ARMH4: variants seen among roughly 807,000 people sequenced by gnomAD.
ARMH4 encodes armadillo-like helical domain-containing protein 4.
In ARMH4, 49 loss-of-function variants were observed where a neutral mutation model predicts 61.9. That is an observed-to-expected ratio of 0.79 (90% CI 0.63 to 1.00). The LOEUF is 1.00. Ranked by LOEUF, ARMH4 falls within the 50% of genes least tolerant of loss-of-function variation. The pLI, the probability that ARMH4 is intolerant of heterozygous loss-of-function variation, is 0.00. For synonymous variants in ARMH4, 368 were observed against 341.5 expected (o/e 1.08, Z -0.85); for missense variants, 934 against 930.0 (o/e 1.00, Z -0.06).
intron 5 of ARMH4, among the ~76,000 whole-genome samples, chr14:58,046,080 C>G (rs1011886472): frequency 6.6e-6 from 1 of 152,164 alleles, no homozygotes; most frequent in African/African-American, 2.4e-5. Context: ...TGTAAGCCAC[C>G]CAGTTTATGG....
At position 58,094,655 on chromosome 14, in the gene ARMH4, T is replaced by C. The variant is rs1010162818; in HGVS notation, c.2089+2069A>G. Among the ~76,000 whole-genome samples the C allele has an allele frequency of 5.3e-5, 8 of 152,310 alleles. No individual in the cohort carries two copies. The East Asian group carries it at 5.8e-4, about 11-fold the overall frequency. On this transcript the variant is annotated intron_variant, in intron 5 of 7. Coordinates refer to ENST00000267485, the MANE Select transcript of ARMH4 (RefSeq NM_001001872.4). ...CATACAACATAGTTGAATCTCAAAA[T>C]CTTTATGCTAAGTGATCTAAGCCAG... is the stretch of plus-strand genomic sequence containing the variant.
intron 5 of ARMH4, among the ~76,000 whole-genome samples, chr14:58,049,170 C>T (rs996115431): frequency 3.6e-4 from 53 of 148,186 alleles, no homozygotes; most frequent in Admixed American, 3.5e-3. Flanking sequence ...ACCCAGGAGG[C>T]GGAGCTTGCA....
intron 4 of ARMH4, among the ~76,000 whole-genome samples, chr14:58,102,816 T>C (rs1295331531): frequency 3.3e-5 from 1 of 30,434 alleles, no homozygotes; most frequent in African/African-American, 1.4e-4. Flanking sequence ...AGACTCCGTC[T>C]CAAAAAAAAA....
intron 5 of ARMH4, among the ~76,000 whole-genome samples, chr14:58,022,246 C>G (rs765975618): frequency 1.8e-4 from 27 of 152,132 alleles, no homozygotes; most frequent in Non-Finnish European, 3.8e-4. Context: ...CTCTTCCCCA[C>G]CGCCACTCTC....
chr14:58,132,832 G>A (rs186876653), intron 3 of ARMH4, among the ~76,000 whole-genome samples: 54 of 151,950 alleles, frequency 3.6e-4, no homozygotes, highest in African/African-American at 1.3e-3. Context: ...TGATCCACCC[G>A]CCTCAGCCTC....
At chr14:58,032,335 T>C (rs1883275085) in intron 5 of ARMH4, among the ~76,000 whole-genome samples, 1 of 152,142 alleles carries the variant, frequency 6.6e-6, no homozygotes, top group Non-Finnish European at 1.5e-5. Context: ...AGGAGCCCAA[T>C]GAAGGGTAAG....
intron 5 of ARMH4, among the ~76,000 whole-genome samples, chr14:58,050,486 G>A (rs907044480): frequency 8.5e-5 from 13 of 152,170 alleles, no homozygotes; most frequent in Non-Finnish European, 1.9e-4. Flanking sequence ...TCTCCTATAG[G>A]AGGAATTGAT....
chr14:58,103,367 C>T (rs1886065597), intron 4 of ARMH4, among the ~76,000 whole-genome samples: 1 of 152,114 alleles, frequency 6.6e-6, no homozygotes, highest in Admixed American at 6.5e-5. Flanking sequence ...ATAAAAATGG[C>T]TATGGGAGTG....
chr14:58,070,641 T>C (rs1884854268), intron 5 of ARMH4, among the ~76,000 whole-genome samples: 2 of 152,190 alleles, frequency 1.3e-5, no homozygotes, highest in South Asian at 4.1e-4. Flanking sequence ...GTCCAGCTCT[T>C]GGCAAAAGCA....
At chr14:58,074,433 G>T (rs1241503331) in intron 5 of ARMH4, among the ~76,000 whole-genome samples, 1 of 151,162 alleles carries the variant, frequency 6.6e-6, no homozygotes, top group East Asian at 1.9e-4. Context: ...TCTCCGCTTT[G>T]GCAGTGGATG....
chr14:58,098,611 C>T (rs1000500020), intron 4 of ARMH4, among the ~76,000 whole-genome samples: 2 of 152,210 alleles, frequency 1.3e-5, no homozygotes, highest in Non-Finnish European at 2.9e-5. Context: ...TTTAAGTCAA[C>T]ATCTACAGGA....
At chr14:58,050,037 C>T (rs551881914) in intron 5 of ARMH4, among the ~76,000 whole-genome samples, 57 of 152,282 alleles carry the variant, frequency 3.7e-4, no homozygotes, top group Admixed American at 8.5e-4. Flanking sequence ...TCTAGGTGCT[C>T]ACATAGAGAA....
chr14:58,131,742 G>T, intron 3 of ARMH4, 21 bp from the exon 4 acceptor site: 2 of 1,602,642 alleles, frequency 1.2e-6, no homozygotes, highest in Non-Finnish European at 8.5e-7. Flanking sequence ...CAACAGACAG[G>T]ACTTGACCCA....
chr14:58,096,097 C>T (rs1022704486), intron 5 of ARMH4, among the ~76,000 whole-genome samples: 5 of 152,082 alleles, frequency 3.3e-5, no homozygotes, highest in Non-Finnish European at 4.4e-5. Context: ...ACCACAAGCA[C>T]GGGCCATGAA....
At chr14:58,066,654 C>T (rs1414340301) in intron 5 of ARMH4, among the ~76,000 whole-genome samples, 3 of 152,036 alleles carry the variant, frequency 2.0e-5, no homozygotes, top group South Asian at 2.1e-4. Context: ...TTGAAGAGTT[C>T]GGAGAAACGT....
intron 5 of ARMH4, among the ~76,000 whole-genome samples, chr14:58,024,108 C>T (rs1406845604): frequency 6.6e-6 from 1 of 152,130 alleles, no homozygotes; most frequent in African/African-American, 2.4e-5. Flanking sequence ...GGCATTAGCC[C>T]CTAACAAGAG....
At chr14:58,065,317 C>G (rs10138473) in intron 5 of ARMH4, among the ~76,000 whole-genome samples, 44,454 of 152,042 alleles carry the variant, frequency 0.29, 7,245 homozygotes, top group Non-Finnish European at 0.36. Flanking sequence ...TTCTTTGGAG[C>G]CTTGAGGCTC....
At chr14:58,100,637 AC>A (rs1477563559) in intron 4 of ARMH4, among the ~76,000 whole-genome samples, 3 of 152,202 alleles carry the variant, frequency 2.0e-5, no homozygotes, top group African/African-American at 7.2e-5. Flanking sequence ...ACTATCAGGA[AC>A]CATTAAAACT....
At position 58,098,161 on chromosome 14, in the gene ARMH4, C is replaced by T. The variant is rs372622181; in HGVS notation, c.1832-1180G>A. Among the ~76,000 whole-genome samples, 4 of 152,170 alleles carry T rather than the reference C, an allele frequency of 2.6e-5. No individual in the cohort carries two copies. The East Asian group carries it at 5.8e-4, about 22-fold the overall frequency. ...CTGGAGCCACCCAAGAATTGTGAGA[C>T]TCTCCTTTTCTGCTTCTACACAACT... On this transcript the variant is annotated intron_variant, in intron 4 of 7. Coordinates refer to ENST00000267485, the MANE Select transcript of ARMH4 (RefSeq NM_001001872.4).
Sources: gnomAD v4.1 joint callset for allele counts (sites outside exome capture counted in the v4.1 genomes callset) on GRCh38, gnomAD v4.1.1 for gene constraint, MANE v1.5 for transcripts, NCBI Gene and HGNC (gene_info 2026-07-23, HGNC 2026-07-21) for gene names.